The following OCM variants were observed in gnomAD, a reference collection of about 807,000 sequenced individuals.
The protein encoded by OCM is oncomodulin.
In OCM, 18 loss-of-function variants were observed where a neutral mutation model predicts 14.1. The observed-to-expected ratio is 1.28, with a 90% CI of 0.88 to 1.89. The LOEUF (loss-of-function observed/expected upper bound fraction) is 1.89, where lower values mean the gene tolerates loss of function less well. Among genes scored for constraint, OCM ranks in the 40% most tolerant of loss-of-function variants. The pLI, the probability that OCM is intolerant of heterozygous loss-of-function variation, is 0.00. For missense variants in OCM, 140 were observed against 137.6 expected (o/e 1.02, Z -0.09); for synonymous variants, 48 against 51.0 (o/e 0.94, Z 0.25).
At chr7:5,869,770 G>A in the OCM span, among the ~76,000 whole-genome samples, 8 of 151,910 alleles carry the variant, frequency 5.3e-5, no homozygotes, top group Middle Eastern at 3.4e-3. Flanking sequence ...CCCATAATCC[G>A]CACGTGCTTG....
chr7:5,885,807 C>T (rs1781321730), intron 3 of OCM, among the ~76,000 whole-genome samples: 1 of 152,038 alleles, frequency 6.6e-6, no homozygotes, highest in South Asian at 2.1e-4. Context: ...GACAGGGTTT[C>T]ACCATTTTGG....
upstream of OCM, among the ~76,000 whole-genome samples, chr7:5,878,945 A>C (rs938502051): frequency 2.7e-4 from 40 of 149,330 alleles, no homozygotes; most frequent in Non-Finnish European, 4.5e-4. Flanking sequence ...CTTTAGGAGG[A>C]TGAGGTGGGA....
At chr7:5,873,191 A>G in the OCM span, among the ~76,000 whole-genome samples, 7 of 152,124 alleles carry the variant, frequency 4.6e-5, no homozygotes, top group African/African-American at 1.7e-4. Flanking sequence ...CTTGACCAAC[A>G]TGGTAAAACC....
At chr7:5,866,171 T>A in the OCM span, among the ~76,000 whole-genome samples, 1,713 of 150,432 alleles carry the variant, frequency 0.011, 17 homozygotes, top group South Asian at 0.029. Flanking sequence ...AAAAAAAAAA[T>A]TTAATTAGCT....
At chr7:5,886,001 A>T in intron 3 of OCM, 63 bp from the exon 4 acceptor site, 5 of 1,611,808 alleles carry the variant, frequency 3.1e-6, no homozygotes, top group Non-Finnish European at 4.2e-6. Context: ...CTCATTGGCC[A>T]CGGCACGTCT....
chr7:5,864,573 C>T, the OCM span, among the ~76,000 whole-genome samples: 5 of 152,064 alleles, frequency 3.3e-5, no homozygotes, highest in African/African-American at 9.7e-5. Flanking sequence ...CAAGAAAATT[C>T]AGCATGTCCT....
chr7:5,873,057 GACCCTGA>G, the OCM span, among the ~76,000 whole-genome samples: 167 of 151,956 alleles, frequency 1.1e-3, 2 homozygotes, highest in African/African-American at 3.7e-3. Context: ...GACAGAGCCA[GACCCTGA>G]ATCTACAAAA....
the OCM span, among the ~76,000 whole-genome samples, chr7:5,864,233 T>A: frequency 6.7e-6 from 1 of 149,616 alleles, no homozygotes; most frequent in Non-Finnish European, 1.5e-5. Flanking sequence ...CAGCTCCTGG[T>A]TGGGGGGGAT....
At chr7:5,866,951 G>A in the OCM span, among the ~76,000 whole-genome samples, 2 of 152,052 alleles carry the variant, frequency 1.3e-5, no homozygotes, top group Non-Finnish European at 2.9e-5. Context: ...TTAACGTAGT[G>A]CCTGTTTCAC....
chr7:5,861,170 C>T, the OCM span, among the ~76,000 whole-genome samples: 126 of 152,080 alleles, frequency 8.3e-4, no homozygotes, highest in African/African-American at 2.9e-3. Context: ...GCCTGTAATC[C>T]CAGCACTTTG....
chr7:5,873,591 T>C, the OCM span, among the ~76,000 whole-genome samples: 1 of 152,124 alleles, frequency 6.6e-6, no homozygotes, highest in South Asian at 2.1e-4. Context: ...GCAATGCTCC[T>C]GCCTCAGCCT....
chr7:5,881,563 G>C (rs144301497), intron 1 of OCM, among the ~76,000 whole-genome samples: 4,939 of 152,148 alleles, frequency 0.032, 116 homozygotes, highest in Non-Finnish European at 0.048. Context: ...CCAGGAGGTT[G>C]AGGCTGTGGT....
At chr7:5,880,503 C>T (rs1583170520), upstream of OCM, among the ~76,000 whole-genome samples, 1 of 152,190 alleles carries the variant, frequency 6.6e-6, no homozygotes, top group East Asian at 1.9e-4. Context: ...TTGCATCTGT[C>T]ATCCCAGCAC....
At chr7:5,884,098 C>G (rs1781285201) in intron 3 of OCM, 99 bp downstream of exon 3, 3 of 1,174,678 alleles carry the variant, frequency 2.6e-6, no homozygotes, top group Non-Finnish European at 3.6e-6. Context: ...TAAAATCTCC[C>G]TTTCTTAAAC....
chr7:5,874,406 A>G, the OCM span, among the ~76,000 whole-genome samples: 2 of 151,256 alleles, frequency 1.3e-5, no homozygotes, highest in East Asian at 3.9e-4. Flanking sequence ...ATATGCAAAT[A>G]TAAACAACAT....
the OCM span, among the ~76,000 whole-genome samples, chr7:5,867,170 C>A: frequency 1.3e-5 from 2 of 152,090 alleles, no homozygotes; most frequent in East Asian, 3.8e-4. Context: ...TTCCTCCTTG[C>A]CTTCTGGCCT....
At chr7:5,885,379 C>T (rs1163707805) in intron 3 of OCM, among the ~76,000 whole-genome samples, 1 of 152,118 alleles carries the variant, frequency 6.6e-6, no homozygotes, top group Admixed American at 6.6e-5. Flanking sequence ...TCTCCCCTTC[C>T]TGTCTGAAAT....
the OCM span, among the ~76,000 whole-genome samples, chr7:5,871,177 C>CA: frequency 6.6e-6 from 1 of 151,338 alleles, no homozygotes; most frequent in East Asian, 1.9e-4. Flanking sequence ...TGAGAGCCCC[C>CA]CCCCCGTCTC....
chr7:5,869,326 G>A, the OCM span, among the ~76,000 whole-genome samples: 15 of 152,044 alleles, frequency 9.9e-5, no homozygotes, highest in Non-Finnish European at 1.3e-4. Context: ...GGCTGGGCAC[G>A]GTGGCTCATG....
Sources: allele counts gnomAD v4.1 joint callset (sites outside exome capture counted in the v4.1 genomes callset), GRCh38; gene constraint gnomAD v4.1.1; transcripts MANE v1.5; gene names NCBI Gene and HGNC (gene_info 2026-07-23, HGNC 2026-07-21).